Variants in MED27 observed in about 807,000 individuals in gnomAD.
MED27 encodes mediator complex subunit 27, also known as mediator of RNA polymerase II transcription subunit 27.
MED27 carries 30 observed loss-of-function variants against 38.2 expected under a neutral mutation model. The observed-to-expected ratio is 0.79, with a 90% CI of 0.59 to 1.07. The LOEUF (loss-of-function observed/expected upper bound fraction) is 1.07. Ranked by LOEUF, MED27 falls within the 50% of genes least tolerant of loss-of-function variation. The probability of loss-of-function intolerance (pLI) is 0.00; values close to 1 mark genes in which losing one functional copy is unlikely to be tolerated. For synonymous variants in MED27, 122 were observed against 153.5 expected, an observed-to-expected ratio of 0.79 and a Z score of 1.52; for missense variants, 289 against 397.5, an observed-to-expected ratio of 0.73 and a Z score of 2.32.
rs913747525 is a variant in MED27 at position 132,037,077 on chromosome 9, T to C, written c.349-22610A>G. On this transcript the variant is annotated intron_variant, in intron 2 of 7. Transcript: ENST00000292035. ...AAGAAGCTGTGGGTGGAAGACGAAA[T>C]GTTGAAGCACTGCGCTGGGCACAGG... 2.0e-5 allele frequency among the ~76,000 whole-genome samples: 3 copies of C among 152,246 alleles called. No homozygotes were observed. The East Asian group carries it at 5.8e-4, about 29-fold the overall frequency.
At chr9:131,993,889 T>C (rs1227656397) in intron 3 of MED27, among the ~76,000 whole-genome samples, 1 of 152,100 alleles carries the variant, frequency 6.6e-6, no homozygotes, top group Admixed American at 6.5e-5. Context: ...TATGTCTAAA[T>C]TGTCCCAGTC....
At chr9:131,918,881 G>A (rs996858171) in intron 4 of MED27, among the ~76,000 whole-genome samples, 4 of 152,186 alleles carry the variant, frequency 2.6e-5, no homozygotes, top group Non-Finnish European at 4.4e-5. Flanking sequence ...CCCAGTTCTA[G>A]CTAAGGCCTA....
chr9:132,038,575 A>C (rs1336903820), intron 2 of MED27, among the ~76,000 whole-genome samples: 2 of 152,232 alleles, frequency 1.3e-5, no homozygotes, highest in Admixed American at 1.3e-4. Flanking sequence ...TTAAAGTAAA[A>C]TATACAGTAT....
chr9:131,899,562 G>A (rs1164522122), intron 4 of MED27, among the ~76,000 whole-genome samples: 3 of 152,212 alleles, frequency 2.0e-5, no homozygotes, highest in Non-Finnish European at 4.4e-5. Context: ...GGGACCTTTT[G>A]AGGAAATTGA....
At chr9:132,071,338 G>GCA (rs1833930224) in intron 2 of MED27, among the ~76,000 whole-genome samples, 2 of 151,690 alleles carry the variant, frequency 1.3e-5, no homozygotes, top group South Asian at 4.2e-4. Flanking sequence ...CCATGAATGA[G>GCA]CACACACACA....
intron 4 of MED27, among the ~76,000 whole-genome samples, chr9:131,921,007 A>G (rs893067891): frequency 9.2e-5 from 14 of 152,154 alleles, no homozygotes; most frequent in Non-Finnish European, 1.8e-4. Flanking sequence ...GAGGGACCAG[A>G]GGCTTGGAGA....
At chr9:132,046,337 A>G (rs369586316) in intron 2 of MED27, among the ~76,000 whole-genome samples, 5 of 152,200 alleles carry the variant, frequency 3.3e-5, no homozygotes, top group East Asian at 1.9e-4. Context: ...AATGCTCACA[A>G]AAGTATACTG....
chr9:131,948,505 A>C lies in MED27; in HGVS notation c.480-9031T>G, dbSNP rs908480851. On this transcript the variant is annotated intron_variant, in intron 3 of 7. Transcript: ENST00000292035. ...CTCAAAAAAACAAAAACAAAAACAA[A>C]AAAAAAAAACAAAAAACCAAAACAT... Among the ~76,000 whole-genome samples the C allele has an allele frequency of 1.5e-3, 226 of 151,048 alleles. 1 individual carries two copies. Among genetic ancestry groups the C allele is most frequent in the African/African-American group, 5.3e-3 (220 of 41,224 alleles).
intron 3 of MED27, among the ~76,000 whole-genome samples, chr9:131,976,361 C>G (rs1013565359): frequency 3.9e-5 from 6 of 152,172 alleles, no homozygotes; most frequent in Non-Finnish European, 8.8e-5. Context: ...ATTCAATTAT[C>G]CTCTCCATTA....
At chr9:132,072,669 C>A (rs1404142547) in intron 2 of MED27, among the ~76,000 whole-genome samples, 3 of 151,974 alleles carry the variant, frequency 2.0e-5, no homozygotes, top group Non-Finnish European at 4.4e-5. Flanking sequence ...TGATGGGGTG[C>A]TACGAAGGTT....
chr9:131,881,754 T>C (rs1453957343), intron 6 of MED27, among the ~76,000 whole-genome samples: 4 of 148,640 alleles, frequency 2.7e-5, no homozygotes, highest in Admixed American at 2.7e-4. Flanking sequence ...TTTCCATTAG[T>C]AACCCCTCCC....
intron 2 of MED27, among the ~76,000 whole-genome samples, chr9:132,017,820 A>T (rs961796724): frequency 1.3e-5 from 2 of 152,208 alleles, no homozygotes; most frequent in African/African-American, 2.4e-5. Flanking sequence ...CTAACCAATT[A>T]TATCTACTAA....
chr9:131,869,519 G>A, intron 6 of MED27: 2 of 678,900 alleles, frequency 2.9e-6, no homozygotes, highest in Non-Finnish European at 3.6e-6. Flanking sequence ...CCCCTTGGCG[G>A]AGGCCAGGAA....
rs1832119521 is a variant in MED27 at position 131,997,625 on chromosome 9, T to C, written c.479+16712A>G. Among the ~76,000 whole-genome samples the C allele has an allele frequency of 6.6e-6, 1 of 152,174 alleles. No homozygotes were observed. Among genetic ancestry groups the C allele is most frequent in the African/African-American group, 2.4e-5 (1 of 41,422 alleles). On this transcript the variant is annotated intron_variant, in intron 3 of 7. Coordinates refer to ENST00000292035, the MANE Select transcript of MED27 (RefSeq NM_004269.4). The surrounding 1 kb of genome is among the most constrained non-coding windows in gnomAD (Gnocchi z 4.0). ...CCTAATAAATATATTGCAGCCCAATTCCAACTCAACCTCTGCTTCCTGAGA... is the reference window on the plus strand; with the variant it reads ...CCTAATAAATATATTGCAGCCCAATCCCAACTCAACCTCTGCTTCCTGAGA...
chr9:132,052,202 G>A (rs1295495777), intron 2 of MED27, among the ~76,000 whole-genome samples: 3 of 152,122 alleles, frequency 2.0e-5, no homozygotes, highest in Non-Finnish European at 2.9e-5. Flanking sequence ...CTTCATTCTT[G>A]TACATTTCCT....
At chr9:132,056,527 T>C (rs954378996) in intron 2 of MED27, among the ~76,000 whole-genome samples, 2 of 152,192 alleles carry the variant, frequency 1.3e-5, no homozygotes, top group Non-Finnish European at 1.5e-5. Context: ...TCAAAGAAAA[T>C]GTACTTTGGA....
intron 3 of MED27, among the ~76,000 whole-genome samples, chr9:131,945,940 C>G (rs1830878700): frequency 6.7e-6 from 1 of 149,522 alleles, no homozygotes; most frequent in Non-Finnish European, 1.5e-5. Context: ...TGCATTCCAA[C>G]CTGGGTGACA....
chr9:132,000,739 AT>A (rs200511210), intron 3 of MED27, among the ~76,000 whole-genome samples: 315 of 151,640 alleles, frequency 2.1e-3, no homozygotes, highest in Middle Eastern at 6.8e-3. Flanking sequence ...GAAAAGTCAG[AT>A]TTTAAAAAAA....
At chr9:132,026,209 C>T (rs1332715307) in intron 2 of MED27, among the ~76,000 whole-genome samples, 2 of 152,232 alleles carry the variant, frequency 1.3e-5, no homozygotes, top group East Asian at 1.9e-4. Context: ...CCATCACCAA[C>T]CACGTCCATC....
Sources: allele counts gnomAD v4.1 joint callset (sites outside exome capture counted in the v4.1 genomes callset), GRCh38; gene constraint gnomAD v4.1.1; non-coding constraint Gnocchi (gnomAD v3.1); transcripts MANE v1.5; gene names NCBI Gene and HGNC (gene_info 2026-07-23, HGNC 2026-07-21).